Variants in PHLPP2 observed in about 807,000 individuals in gnomAD.
PHLPP2 encodes PH domain and leucine rich repeat protein phosphatase 2.
A neutral mutation model predicts 124.9 loss-of-function variants in PHLPP2; 66 were observed. That is an observed-to-expected ratio of 0.53 (90% CI 0.43 to 0.65). The LOEUF (loss-of-function observed/expected upper bound fraction) is 0.65, where lower values mean the gene tolerates loss of function less well. PHLPP2 is among the 30% of genes least tolerant of loss of function. The pLI, the probability that PHLPP2 is intolerant of heterozygous loss-of-function variation, is 0.00. For synonymous variants in PHLPP2, 681 were observed against 624.7 expected, an observed-to-expected ratio of 1.09 and a Z score of -1.34; for missense variants, 1,685 against 1,600.4, an observed-to-expected ratio of 1.05 and a Z score of -0.90.
In PHLPP2 at chr16:71,653,450, G is replaced by A. The variant is rs2044712957; in HGVS notation, c.2586-429C>T. ...TAAGCAATTTCTGGTGAGGCTGAGA[G>A]GCTGCTGTTCCTAGAACAACACTTT... On this transcript the variant is annotated intron_variant, in intron 17 of 18. Transcript: ENST00000568954. Among the ~76,000 whole-genome samples, 5 of 152,110 alleles carry A rather than the reference G, an allele frequency of 3.3e-5. No individual in the cohort carries two copies. In the South Asian group the frequency reaches 1.0e-3, roughly 32 times the overall value.
chr16:71,646,344 A>G lies in PHLPP2; in HGVS notation c.*2546T>C, dbSNP rs1301032713. The G allele has an allele frequency of 6.6e-6, 1 of 152,240 alleles. No individual in the cohort carries two copies. The highest frequency in any genetic ancestry group is 2.4e-5 in the African/African-American group (1 of 41,466). 9.4% of individuals were successfully genotyped at this position (152,240 alleles called of 1,614,324 possible). A position where few individuals can be genotyped will look rare whatever the true frequency, so the allele number is the denominator to read the frequency against. On this transcript the variant is annotated 3_prime_UTR_variant, in exon 19 of 19. Coordinates refer to ENST00000568954, the MANE Select transcript of PHLPP2 (RefSeq NM_015020.3). ...ATAATCAGTTTTGGTATCGCCTATAACAAAGATTTTCAATACAACCTAATG... is the reference window on the plus strand; with the variant it reads ...ATAATCAGTTTTGGTATCGCCTATAGCAAAGATTTTCAATACAACCTAATG...
chr16:71,709,074 T>TA (rs1288344234), intron 2 of PHLPP2, among the ~76,000 whole-genome samples: 1 of 152,118 alleles, frequency 6.6e-6, no homozygotes, highest in African/African-American at 2.4e-5. Context: ...TTAAAATGGA[T>TA]AAAAAATGTT....
chr16:71,665,489 C>CAGCT (rs1479270760), intron 12 of PHLPP2, among the ~76,000 whole-genome samples: 2 of 152,146 alleles, frequency 1.3e-5, no homozygotes, highest in African/African-American at 2.4e-5. Flanking sequence ...CAATAAAAGG[C>CAGCT]AGCTATTATT....
rs201141453 is a variant in PHLPP2 at position 71,648,900 on chromosome 16, G to A, written c.3962C>T (p.Thr1321Ile). The A allele has an allele frequency of 1.8e-4, 286 of 1,611,750 alleles. 1 individual carries two copies. Among genetic ancestry groups the A allele is most frequent in the Middle Eastern group, 1.1e-3 (5 of 4,600 alleles). ...TGCCCAGTGGGGCAGTCATAGTGCT[G>A]TGTCGAACTCCTCCGGGGGCTCGGT... ...DRTEPPEEFD[T>I]AL The change falls in exon 19 of 19, where the codon ACA (threonine) becomes ATA (isoleucine). Residue 1321 changes from threonine (T) to isoleucine (I), a missense_variant. Thr to Ile is a moderately conservative substitution (Grantham distance 89). Coordinates refer to ENST00000568954, the MANE Select transcript of PHLPP2 (RefSeq NM_015020.3).
At chr16:71,686,234 G>A (rs865918506) in intron 4 of PHLPP2, among the ~76,000 whole-genome samples, 13 of 152,292 alleles carry the variant, frequency 8.5e-5, no homozygotes, top group South Asian at 2.1e-4. Context: ...GTACAATGGC[G>A]TGATCATGGC....
At chr16:71,698,618 C>T (rs923742478) in intron 3 of PHLPP2, 15 of 604,734 alleles carry the variant, frequency 2.5e-5, no homozygotes, top group African/African-American at 1.1e-4. Context: ...AGGCTGAGTA[C>T]GCTACCAAGG....
In PHLPP2 at chr16:71,647,371, T is replaced by C. The variant is rs960286493; in HGVS notation, c.*1519A>G. 57 of 152,630 alleles carry C rather than the reference T, an allele frequency of 3.7e-4. No homozygotes were observed. Among genetic ancestry groups the C allele is most frequent in the African/African-American group, 1.3e-3 (53 of 41,534 alleles). 9.5% of individuals were successfully genotyped at this position (152,630 alleles called of 1,614,324 possible). A position where few individuals can be genotyped will look rare whatever the true frequency, so the allele number is the denominator to read the frequency against. ...ATGAAGTGTCTTTCTTATGTTAGTA[T>C]TGAGCCCAGTATTCTGAAACCACAT... On this transcript the variant is annotated 3_prime_UTR_variant, in exon 19 of 19. Coordinates refer to ENST00000568954, the MANE Select transcript of PHLPP2 (RefSeq NM_015020.3).
At chr16:71,678,510 C>T (rs537910500) in intron 8 of PHLPP2, 12 of 431,340 alleles carry the variant, frequency 2.8e-5, no homozygotes, top group South Asian at 1.7e-4. Flanking sequence ...CCTCGTGGTG[C>T]GCACCTGAAG....
At chr16:71,691,004 G>A (rs1158153691) in intron 3 of PHLPP2, among the ~76,000 whole-genome samples, 2 of 152,182 alleles carry the variant, frequency 1.3e-5, no homozygotes, top group East Asian at 1.9e-4. Context: ...TGGTAGAGTG[G>A]TTAAGATCAT....
intron 12 of PHLPP2, among the ~76,000 whole-genome samples, chr16:71,666,861 T>C (rs2044844147): frequency 6.6e-6 from 1 of 152,250 alleles, no homozygotes; most frequent in South Asian, 2.1e-4. Flanking sequence ...CACAGCAGAA[T>C]GTTGTAATTT....
Position 71,645,059 on chromosome 16 carries a change from A to G in PHLPP2, c.*3831T>C. ...TTAAAAAATTTAACACATTTCAAAA[A>G]TATCAAAAATACACTATAATGAGTC... On this transcript the variant is annotated 3_prime_UTR_variant, in exon 19 of 19. Transcript: ENST00000568954. 1 of 277,248 alleles carries G rather than the reference A, an allele frequency of 3.6e-6. No individual in the cohort carries two copies. Among genetic ancestry groups the G allele is most frequent in the South Asian group, 3.4e-5 (1 of 29,288 alleles). 17.2% of individuals were successfully genotyped at this position (277,248 alleles called of 1,614,324 possible).
intron 5 of PHLPP2, among the ~76,000 whole-genome samples, chr16:71,683,125 T>C (rs2045018978): frequency 6.6e-6 from 1 of 151,614 alleles, no homozygotes; most frequent in Non-Finnish European, 1.5e-5. Flanking sequence ...GAGCCAAGAC[T>C]ATACCACTGC....
chr16:71,718,222 G>A (rs887140230), intron 1 of PHLPP2, among the ~76,000 whole-genome samples: 1 of 152,050 alleles, frequency 6.6e-6, no homozygotes, highest in African/African-American at 2.4e-5. Flanking sequence ...ATTTTTAACA[G>A]TCATTTTTAG....
Position 71,663,967 on chromosome 16 carries a change from G to T in PHLPP2, c.1917C>A (p.Val639=), listed in dbSNP as rs367706830. Residue 639 remains valine, a synonymous_variant, in exon 13 of 19, where the codon GTC becomes GTA. Coordinates refer to ENST00000568954, the MANE Select transcript of PHLPP2 (RefSeq NM_015020.3). ...NNLLTDQCIP[V]LVGHLHLRIL... ...TTCGCAGGTGCAGGTGCCCTACCAG[G>T]ACAGGTATGCACTGATCCGTCAGGA... 6.2e-7 allele frequency: 1 copy of T among 1,613,966 alleles called. No homozygotes were observed. The highest frequency in any genetic ancestry group is 2.2e-5 in the East Asian group (1 of 44,880).
At chr16:71,700,397 C>T (rs1355888490) in intron 3 of PHLPP2, among the ~76,000 whole-genome samples, 1 of 150,974 alleles carries the variant, frequency 6.6e-6, no homozygotes, top group Non-Finnish European at 1.5e-5. Context: ...TGGGTGATAC[C>T]CTGTCTCAAA....
At position 71,650,055 on chromosome 16, in the gene PHLPP2, G is replaced by A. The variant is rs1334564386; in HGVS notation, c.2818-11C>T. ...ATTCACTTTGTTGTCCTACAGAAGA[G>A]CAGGACACAAATTCTGAGAAACAAG... On this transcript the variant is annotated splice_polypyrimidine_tract_variant and intron_variant, in intron 18 of 18. Transcript: ENST00000568954. 1 of 1,593,330 alleles carries A rather than the reference G, an allele frequency of 6.3e-7. No individual in the cohort carries two copies. Among genetic ancestry groups the A allele is most frequent in the South Asian group, 1.1e-5 (1 of 90,696 alleles).
intron 13 of PHLPP2, 37 bp downstream of exon 13, chr16:71,663,862 G>A: frequency 3.5e-6 from 5 of 1,426,736 alleles, no homozygotes; most frequent in Admixed American, 1.7e-5. Flanking sequence ...AATTAATGTT[G>A]TGTATTTGAA....
intron 1 of PHLPP2, chr16:71,723,797 C>A: frequency 7.6e-7 from 1 of 1,307,958 alleles, no homozygotes; most frequent in Non-Finnish European, 9.8e-7. Flanking sequence ...TCCCGGCCGG[C>A]GGCTCGCGGG....
intron 10 of PHLPP2, among the ~76,000 whole-genome samples, chr16:71,671,746 C>T (rs1224784382): frequency 2.0e-5 from 3 of 151,826 alleles, no homozygotes; most frequent in East Asian, 3.9e-4. Context: ...AACCCCATCT[C>T]TACTAAAAAA....
Sources: gnomAD v4.1 joint callset for allele counts (sites outside exome capture counted in the v4.1 genomes callset) on GRCh38, gnomAD v4.1.1 for gene constraint, MANE v1.5 for transcripts, NCBI Gene and HGNC (gene_info 2026-07-23, HGNC 2026-07-21) for gene names.